Variants in LGR5 observed in about 807,000 individuals in gnomAD.
LGR5 encodes the protein leucine-rich repeat-containing G protein-coupled receptor 5.
In LGR5, 54 loss-of-function variants were observed where a neutral mutation model predicts 76.7. That is an observed-to-expected ratio of 0.70 (90% CI 0.57 to 0.88). The LOEUF is 0.88. Ranked by LOEUF, LGR5 falls within the 40% of genes least tolerant of loss-of-function variation. The pLI is 0.00. For missense variants in LGR5, 1,078 were observed against 1,073.3 expected, an observed-to-expected ratio of 1.00 and a Z score of -0.06; for synonymous variants, 406 against 421.9, an observed-to-expected ratio of 0.96 and a Z score of 0.46.
At chr12:71,534,828 C>G (rs1306415413) in intron 3 of LGR5, among the ~76,000 whole-genome samples, 1 of 152,218 alleles carries the variant, frequency 6.6e-6, no homozygotes, top group African/African-American at 2.4e-5. Context: ...TTCAGAGAGA[C>G]CTTCCCTGAC....
rs1936768576 is a variant in LGR5 at position 71,535,327 on chromosome 12, A to G, written c.428+141A>G. On this transcript the variant is annotated intron_variant, in intron 4 of 17. Coordinates refer to ENST00000266674, the MANE Select transcript of LGR5 (RefSeq NM_003667.4). ...GTGAATGAGAGCCCATTAGAGTAAC[A>G]ACTCTTCATAGCCTCATTGAGCAAT... The G allele has an allele frequency of 4.8e-6, 3 of 628,328 alleles. No individual in the cohort carries two copies. The Admixed American group carries it at 7.5e-5, about 16-fold the overall frequency. 38.9% of individuals were successfully genotyped at this position (628,328 alleles called of 1,614,324 possible).
At chr12:71,482,896 G>T (rs976912743) in intron 1 of LGR5, among the ~76,000 whole-genome samples, 1 of 152,146 alleles carries the variant, frequency 6.6e-6, no homozygotes, top group African/African-American at 2.4e-5. Flanking sequence ...TTAGGACTCT[G>T]CAAATATCCA....
chr12:71,586,202 C>A lies in LGR5; in HGVS notation c.*1468C>A, dbSNP rs1365341465. 6.6e-6 allele frequency: 1 copy of A among 152,020 alleles called. No homozygotes were observed. The highest frequency in any genetic ancestry group is 2.4e-5 in the African/African-American group (1 of 41,406). 9.4% of individuals were successfully genotyped at this position (152,020 alleles called of 1,614,324 possible). A position where few individuals can be genotyped will look rare whatever the true frequency, so the allele number is the denominator to read the frequency against. ...TTTCTCTGCCCATTTTCTTTAAATTCATTAACTGTATATATGTAAATATAT... is the reference window on the plus strand; with the variant it reads ...TTTCTCTGCCCATTTTCTTTAAATTAATTAACTGTATATATGTAAATATAT... On this transcript the variant is annotated 3_prime_UTR_variant, in exon 18 of 18. Transcript: ENST00000266674.
intron 1 of LGR5, among the ~76,000 whole-genome samples, chr12:71,441,256 C>T (rs1388660031): frequency 1.3e-5 from 2 of 152,110 alleles, no homozygotes; most frequent in African/African-American, 4.8e-5. Flanking sequence ...CCAGGAGGAA[C>T]CCTATTCTCG....
chr12:71,522,516 C>T (rs1308206243), intron 2 of LGR5, among the ~76,000 whole-genome samples: 1 of 152,160 alleles, frequency 6.6e-6, no homozygotes, highest in East Asian at 1.9e-4. Context: ...TAGGAAGAAA[C>T]AAATTTCCTC....
At chr12:71,538,388 C>T (rs781359968) in intron 4 of LGR5, among the ~76,000 whole-genome samples, 3 of 152,000 alleles carry the variant, frequency 2.0e-5, no homozygotes, top group Non-Finnish European at 2.9e-5. Context: ...TGGTGGCCTG[C>T]GCCTATAATC....
At chr12:71,455,927 G>A in intron 1 of LGR5, among the ~76,000 whole-genome samples, 1 of 152,070 alleles carries the variant, frequency 6.6e-6, no homozygotes, top group East Asian at 1.9e-4. Context: ...CTAAAACACT[G>A]AGAGATTTAT....
chr12:71,471,158 T>A (rs924430613), intron 1 of LGR5, among the ~76,000 whole-genome samples: 6 of 152,152 alleles, frequency 3.9e-5, no homozygotes, highest in African/African-American at 1.4e-4. Context: ...CAAAACTTTT[T>A]AATAATAATA....
At chr12:71,536,360 T>C (rs1328071752) in intron 4 of LGR5, among the ~76,000 whole-genome samples, 1 of 152,240 alleles carries the variant, frequency 6.6e-6, no homozygotes, top group Non-Finnish European at 1.5e-5. Context: ...AAAGAAAATC[T>C]GTGCTTGAGA....
intron 1 of LGR5, among the ~76,000 whole-genome samples, chr12:71,461,311 G>A (rs954468355): frequency 2.6e-5 from 4 of 152,172 alleles, no homozygotes; most frequent in African/African-American, 9.7e-5. Flanking sequence ...AATGAGTTAT[G>A]TAAGGTGCTA....
At chr12:71,533,393 C>T (rs915745205) in intron 3 of LGR5, among the ~76,000 whole-genome samples, 7 of 152,056 alleles carry the variant, frequency 4.6e-5, no homozygotes, top group Non-Finnish European at 8.8e-5. Flanking sequence ...ATATTTAGCA[C>T]AGCATGGGGT....
chr12:71,522,290 G>A (rs1364467019), intron 2 of LGR5, among the ~76,000 whole-genome samples: 1 of 152,142 alleles, frequency 6.6e-6, no homozygotes, highest in East Asian at 1.9e-4. Flanking sequence ...TGGAAGGGGT[G>A]GGAGTAGGTC....
At chr12:71,572,725 T>A (rs1046961923) in intron 12 of LGR5, 125 bp from the exon 13 acceptor site, 1 of 656,390 alleles carries the variant, frequency 1.5e-6, no homozygotes, top group Admixed American at 2.6e-5. Flanking sequence ...ATCAGTCACT[T>A]GATAGATACA....
In LGR5 at chr12:71,439,819, G is replaced by A. The variant is rs1871664595; in HGVS notation, c.-262G>A. 4.2e-6 allele frequency: 2 copies of A among 479,112 alleles called. No individual in the cohort carries two copies. Among genetic ancestry groups the A allele is most frequent in the South Asian group, 3.1e-5 (1 of 32,392 alleles). The allele number at this position is 479,112 out of a possible 1,614,324, so 29.7% of individuals were successfully genotyped here. Reference sequence around the variant, plus strand: ...TGCTGCTCCACACCGCTCAGGCCGCGAGCAGCAGCAAGGCGCACCGCCACT... The same window carrying A: ...TGCTGCTCCACACCGCTCAGGCCGCAAGCAGCAGCAAGGCGCACCGCCACT... On this transcript the variant is annotated 5_prime_UTR_variant, in exon 1 of 18. Transcript: ENST00000266674.
chr12:71,475,511 C>A (rs1427359123), intron 1 of LGR5, among the ~76,000 whole-genome samples: 1 of 152,150 alleles, frequency 6.6e-6, no homozygotes, highest in Non-Finnish European at 1.5e-5. Flanking sequence ...CCTAATGGGT[C>A]GTGTTGCAAC....
Position 71,553,083 on chromosome 12 carries a change from G to A in LGR5, c.439G>A (p.Ala147Thr), listed in dbSNP as rs186147712. The A allele has an allele frequency of 6.2e-7, 1 of 1,613,938 alleles. No homozygotes were observed. The highest frequency in any genetic ancestry group is 2.2e-5 in the East Asian group (1 of 44,842). Residue 147 changes from alanine (A) to threonine (T), a missense_variant, in exon 5 of 18, where the codon GCT becomes ACT. Transcript: ENST00000266674. ...LRSLQSLRLD[A>T]NHISYVPPSC... ...TTCTTTCTTCCACAGGCGTCTGGAT[G>A]CTAACCACATCAGCTATGTGCCCCC...
intron 4 of LGR5, among the ~76,000 whole-genome samples, chr12:71,537,722 A>G (rs895680336): frequency 2.6e-5 from 4 of 152,132 alleles, no homozygotes; most frequent in Non-Finnish European, 5.9e-5. Flanking sequence ...GAATTTACTG[A>G]TCATTACAAA....
At chr12:71,447,983 C>A (rs1047821549) in intron 1 of LGR5, among the ~76,000 whole-genome samples, 4 of 152,078 alleles carry the variant, frequency 2.6e-5, no homozygotes, top group African/African-American at 7.2e-5. Context: ...CCGTGTTGCT[C>A]ATCTTTCACA....
intron 2 of LGR5, among the ~76,000 whole-genome samples, chr12:71,506,933 A>G (rs557181653): frequency 1.3e-5 from 2 of 151,908 alleles, no homozygotes; most frequent in Non-Finnish European, 2.9e-5. Context: ...TTAACAGAAC[A>G]TTTTTTTTAT....
Sources: gnomAD v4.1 joint callset for allele counts (sites outside exome capture counted in the v4.1 genomes callset) on GRCh38, gnomAD v4.1.1 for gene constraint, MANE v1.5 for transcripts, NCBI Gene and HGNC (gene_info 2026-07-23, HGNC 2026-07-21) for gene names.